Variants in RNF128 observed in about 807,000 individuals in gnomAD.
RNF128 encodes the protein ring finger protein 128.
RNF128 carries 13 observed loss-of-function variants against 26.2 expected under a neutral mutation model. That is an observed-to-expected ratio of 0.50 (90% CI 0.32 to 0.79). RNF128 has a LOEUF of 0.79. RNF128 is among the 30% of genes least tolerant of loss of function. RNF128 has a pLI of 0.03. For synonymous variants in RNF128, 149 were observed against 142.5 expected, an observed-to-expected ratio of 1.05 and a Z score of -0.32; for missense variants, 315 against 349.7, an observed-to-expected ratio of 0.90 and a Z score of 0.79.
chrX:106,777,207 G>C (rs983362084), intron 2 of RNF128, among the ~76,000 whole-genome samples: 4 of 111,822 alleles, frequency 3.6e-5, no homozygotes, highest in Non-Finnish European at 7.5e-5. Context: ...ACTCCTCACA[G>C]TGTGATACCA....
intron 1 of RNF128, among the ~76,000 whole-genome samples, chrX:106,704,164 G>A (rs1285177478): frequency 9.1e-6 from 1 of 110,269 alleles, no homozygotes; most frequent in African/African-American, 3.3e-5. Context: ...GGCCGGGCGC[G>A]GTGGCTCACG....
At chrX:106,724,156 CA>C (rs1290602867), upstream of RNF128, among the ~76,000 whole-genome samples, 1 of 111,298 alleles carries the variant, frequency 9.0e-6, no homozygotes, top group Non-Finnish European at 1.9e-5. Flanking sequence ...TCTAGTCTTC[CA>C]AGTCAAAAAC....
intron 1 of RNF128, among the ~76,000 whole-genome samples, chrX:106,756,213 C>A (rs1930007112): frequency 9.0e-6 from 1 of 111,540 alleles, no homozygotes; most frequent in African/African-American, 3.3e-5. Context: ...CAATGCCTTT[C>A]TTCACAGAAT....
intron 1 of RNF128, among the ~76,000 whole-genome samples, chrX:106,695,142 T>C (rs1052760312): frequency 1.8e-5 from 2 of 110,992 alleles, no homozygotes; most frequent in Non-Finnish European, 3.8e-5. Flanking sequence ...TCCAAGTAAA[T>C]AGATTTTTAA....
At chrX:106,703,601 T>C (rs1371483444) in intron 1 of RNF128, among the ~76,000 whole-genome samples, 1 of 111,283 alleles carries the variant, frequency 9.0e-6, no homozygotes, top group Non-Finnish European at 1.9e-5. Flanking sequence ...TACAAAAATA[T>C]CATCATTGCC....
At chrX:106,781,511 C>T (rs1930564772) in intron 2 of RNF128, among the ~76,000 whole-genome samples, 1 of 110,988 alleles carries the variant, frequency 9.0e-6, no homozygotes, top group African/African-American at 3.3e-5. Context: ...GGGAGGCTTG[C>T]ATCTTGGAAC....
At chrX:106,699,219 C>T (rs754732938) in intron 1 of RNF128, among the ~76,000 whole-genome samples, 2 of 111,738 alleles carry the variant, frequency 1.8e-5, no homozygotes, top group African/African-American at 3.3e-5. Context: ...TAATTCCACC[C>T]CAGTTAGAAT....
intron 2 of RNF128, among the ~76,000 whole-genome samples, chrX:106,775,193 A>G (rs1025617171): frequency 1.8e-5 from 2 of 111,755 alleles, no homozygotes; most frequent in South Asian, 7.5e-4. Context: ...TGACATTTGT[A>G]TATTGTGCGG....
At chrX:106,758,023 T>C (rs1166803896) in intron 1 of RNF128, among the ~76,000 whole-genome samples, 1 of 112,467 alleles carries the variant, frequency 8.9e-6, no homozygotes, top group Non-Finnish European at 1.9e-5. Context: ...AATATGATCT[T>C]ATAGTTTGAA....
chrX:106,720,718 C>T (rs1341300131), intron 1 of RNF128, among the ~76,000 whole-genome samples: 2 of 111,478 alleles, frequency 1.8e-5, no homozygotes, highest in Non-Finnish European at 3.8e-5. Context: ...GAATTCCAAC[C>T]CCACCACCTA....
At chrX:106,758,481 C>A (rs1252027854) in intron 1 of RNF128, among the ~76,000 whole-genome samples, 1 of 111,352 alleles carries the variant, frequency 9.0e-6, no homozygotes, top group Non-Finnish European at 1.9e-5. Flanking sequence ...CCAAAGCCAT[C>A]CTGAGCAAAA....
chrX:106,709,805 C>A (rs1929096611), intron 1 of RNF128, among the ~76,000 whole-genome samples: 1 of 111,781 alleles, frequency 8.9e-6, no homozygotes, highest in African/African-American at 3.3e-5. Context: ...CTCGGCCTCC[C>A]AAAGTGCTGG....
At chrX:106,791,314 G>A in intron 6 of RNF128, 80 bp downstream of exon 6, 3 of 953,182 alleles carry the variant, frequency 3.1e-6, no homozygotes, top group Non-Finnish European at 4.2e-6. Flanking sequence ...TTGCTTTTTA[G>A]CGTTTGTTCC....
At chrX:106,755,238 A>G (rs1417797918) in intron 1 of RNF128, among the ~76,000 whole-genome samples, 1 of 111,786 alleles carries the variant, frequency 8.9e-6, no homozygotes, top group East Asian at 2.8e-4. Context: ...TAGACCAATA[A>G]CAAGTAATGA....
intron 1 of RNF128, among the ~76,000 whole-genome samples, chrX:106,744,816 A>G (rs1482803315): frequency 8.9e-6 from 1 of 111,993 alleles, no homozygotes; most frequent in Non-Finnish European, 1.9e-5. Flanking sequence ...TGTGGTAAAT[A>G]TCAATAGAAA....
chrX:106,745,473 A>G (rs1319773969), intron 1 of RNF128, among the ~76,000 whole-genome samples: 3 of 111,900 alleles, frequency 2.7e-5, no homozygotes, highest in African/African-American at 9.7e-5. Context: ...TTGTGTGGCT[A>G]TAAAGAAATA....
At chrX:106,744,984 G>A (rs191137702) in intron 1 of RNF128, among the ~76,000 whole-genome samples, 1 of 111,164 alleles carries the variant, frequency 9.0e-6, no homozygotes, top group African/African-American at 3.3e-5. Context: ...GTTCAAGCAG[G>A]ATCAGGTGTT....
chrX:106,766,276 T>C (rs1049424165), intron 1 of RNF128, among the ~76,000 whole-genome samples: 7 of 112,041 alleles, frequency 6.2e-5, no homozygotes, highest in East Asian at 5.6e-4. Context: ...TTCTAGATCC[T>C]TGAGGAATCG....
intron 1 of RNF128, among the ~76,000 whole-genome samples, chrX:106,768,189 C>A (rs1428905765): frequency 9.0e-6 from 1 of 110,857 alleles, no homozygotes; most frequent in African/African-American, 3.3e-5. Flanking sequence ...TTTTTATTTT[C>A]TCTCTGCCAG....
Sources: allele counts gnomAD v4.1 joint callset (sites outside exome capture counted in the v4.1 genomes callset), GRCh38; gene constraint gnomAD v4.1.1; transcripts MANE v1.5; gene names NCBI Gene and HGNC (gene_info 2026-07-23, HGNC 2026-07-21).